ADAMTS2: variants seen among roughly 807,000 people sequenced by gnomAD.
The protein encoded by ADAMTS2 is ADAM metallopeptidase with thrombospondin type 1 motif 2.
ADAMTS2 carries 50 observed loss-of-function variants against 123.0 expected under a neutral mutation model. The ratio of observed to expected loss-of-function variants is 0.41; its 90% CI spans 0.32 to 0.51. ADAMTS2 has a LOEUF of 0.51. ADAMTS2 is among the 20% of genes least tolerant of loss of function. The pLI is 0.35. For synonymous variants in ADAMTS2, 678 were observed against 695.4 expected (o/e 0.98, Z 0.39); for missense variants, 1,494 against 1,705.2 (o/e 0.88, Z 2.18).
At chr5:179,206,544 T>C (rs542107435) in intron 4 of ADAMTS2, among the ~76,000 whole-genome samples, 1 of 152,166 alleles carries the variant, frequency 6.6e-6, no homozygotes, top group Non-Finnish European at 1.5e-5. Flanking sequence ...AAGCCCCGGC[T>C]TCCTCCCACA....
intron 3 of ADAMTS2, among the ~76,000 whole-genome samples, chr5:179,261,306 C>T (rs1766217718): frequency 6.6e-6 from 1 of 152,228 alleles, no homozygotes; most frequent in South Asian, 2.1e-4. Context: ...CGCTTTGCTG[C>T]CGGAGCAGCA....
chr5:179,164,911 A>G (rs574305952), intron 5 of ADAMTS2, among the ~76,000 whole-genome samples: 76 of 152,314 alleles, frequency 5.0e-4, no homozygotes, highest in African/African-American at 1.8e-3. Context: ...TGGGTTCTGC[A>G]TGCCTCTAAG....
At chr5:179,326,820 G>C (rs563259550) in intron 2 of ADAMTS2, among the ~76,000 whole-genome samples, 8 of 152,130 alleles carry the variant, frequency 5.3e-5, no homozygotes, top group South Asian at 2.1e-4. Context: ...TCCAGCGCAC[G>C]GGACCTTGCA....
rs530740941 is a variant in ADAMTS2, at chr5:179,180,480, G to A, written c.975+592C>T. On this transcript the variant is annotated intron_variant, in intron 5 of 21. Transcript: ENST00000251582. This position sits in a 1 kb window ranked among gnomAD's most constrained non-coding sequence, Gnocchi z 4.6. ...TTGCTGACTCTGGAGGGACTGCCCC[G>A]CTAAGTGGTAACCAATCTTTAGAGA... Among the ~76,000 whole-genome samples the A allele has an allele frequency of 6.6e-6, 1 of 152,268 alleles. No individual in the cohort carries two copies. The highest frequency in any genetic ancestry group is 2.1e-4 in the South Asian group (1 of 4,824).
chr5:179,189,482 G>A lies in ADAMTS2; in HGVS notation c.892-8327C>T, dbSNP rs1227875880. Among the ~76,000 whole-genome samples, 1 of 150,216 alleles carries A rather than the reference G, an allele frequency of 6.7e-6. No individual in the cohort carries two copies. Among genetic ancestry groups the A allele is most frequent in the Non-Finnish European group, 1.5e-5 (1 of 67,706 alleles). On this transcript the variant is annotated intron_variant, in intron 4 of 21. Coordinates refer to ENST00000251582, the MANE Select transcript of ADAMTS2 (RefSeq NM_014244.5). This position sits in a 1 kb window ranked among gnomAD's most constrained non-coding sequence, Gnocchi z 4.2. Reference sequence around the variant, plus strand: ...CTTGCCTCAGCCTCCCGAGTAGCTGGGGCTACAGGCGCCCGCCAGTGCGCC... The same window carrying A: ...CTTGCCTCAGCCTCCCGAGTAGCTGAGGCTACAGGCGCCCGCCAGTGCGCC...
chr5:179,238,428 C>T (rs544497152), intron 3 of ADAMTS2, among the ~76,000 whole-genome samples: 23 of 152,228 alleles, frequency 1.5e-4, no homozygotes, highest in East Asian at 7.7e-4. Flanking sequence ...CTGAGTATGC[C>T]GGAGGGCAGT....
intron 3 of ADAMTS2, among the ~76,000 whole-genome samples, chr5:179,223,301 CACTCACAT>C (rs924425971): frequency 1.3e-5 from 2 of 151,818 alleles, no homozygotes; most frequent in African/African-American, 4.8e-5. Context: ...CACACGAACG[CACTCACAT>C]ACACACATGC....
Position 179,260,636 on chromosome 5 carries a change from G to C in ADAMTS2, c.688+12275C>G, listed in dbSNP as rs1047329193. ...CTCCCTCCTGATGCAGGAGTCAAAA[G>C]GCCTGGCTCCCACTGTTTCTACAGC... is the stretch of plus-strand genomic sequence containing the variant. On this transcript the variant is annotated intron_variant, in intron 3 of 21. Transcript: ENST00000251582. This position sits in a 1 kb window ranked among gnomAD's most constrained non-coding sequence, Gnocchi z 4.2. Among the ~76,000 whole-genome samples, 1 of 152,266 alleles carries C rather than the reference G, an allele frequency of 6.6e-6. No homozygotes were observed. Among genetic ancestry groups the C allele is most frequent in the Middle Eastern group, 3.4e-3 (1 of 294 alleles).
intron 5 of ADAMTS2, among the ~76,000 whole-genome samples, chr5:179,169,104 A>C (rs1165352690): frequency 3.9e-5 from 6 of 152,210 alleles, no homozygotes; most frequent in African/African-American, 7.2e-5. Flanking sequence ...CCACATTTGA[A>C]AGGTTGAAAG....
intron 10 of ADAMTS2, among the ~76,000 whole-genome samples, chr5:179,144,693 A>G (rs1452117678): frequency 2.0e-5 from 3 of 152,242 alleles, no homozygotes; most frequent in Non-Finnish European, 4.4e-5. Flanking sequence ...GGATATTCAC[A>G]TGCAAAAGAA....
intron 5 of ADAMTS2, among the ~76,000 whole-genome samples, chr5:179,169,830 A>C (rs996574062): frequency 2.6e-5 from 4 of 152,184 alleles, no homozygotes; most frequent in Admixed American, 2.6e-4. Context: ...TTTCACCTCC[A>C]ATGCTGAAAA....
rs1482927449 is a variant in ADAMTS2 at position 179,121,770 on chromosome 5, G to C, written c.3089-20C>G. ...TGTTTCCTAGAGGGAGGAGAGAGGG[G>C]CTGCGGCCGCAGGGCACCAGGCTGG... On this transcript the variant is annotated intron_variant, in intron 20 of 21. Transcript: ENST00000251582. The C allele has an allele frequency of 3.3e-6, 5 of 1,515,798 alleles. No individual in the cohort carries two copies. Among genetic ancestry groups the C allele is most frequent in the Admixed American group, 1.9e-5 (1 of 51,900 alleles). 93.9% of individuals were successfully genotyped at this position (1,515,798 alleles called of 1,614,324 possible). A position where few individuals can be genotyped will look rare whatever the true frequency, so the allele number is the denominator to read the frequency against.
In ADAMTS2 at chr5:179,266,860, T is replaced by A. The variant is rs1002720511; in HGVS notation, c.688+6051A>T. Among the ~76,000 whole-genome samples, 10 of 152,152 alleles carry A rather than the reference T, an allele frequency of 6.6e-5. No individual in the cohort carries two copies. The East Asian group carries it at 1.2e-3, about 18-fold the overall frequency. On this transcript the variant is annotated intron_variant, in intron 3 of 21. Coordinates refer to ENST00000251582, the MANE Select transcript of ADAMTS2 (RefSeq NM_014244.5). ...CACTGAATGGATGAGTCTCGCCTGC[T>A]CCCCAGTCCTGTGGTCTGACAGAAC...
At chr5:179,252,337 T>C (rs1765948391) in intron 3 of ADAMTS2, among the ~76,000 whole-genome samples, 1 of 152,146 alleles carries the variant, frequency 6.6e-6, no homozygotes, top group Non-Finnish European at 1.5e-5. Context: ...TCTTATTTTG[T>C]ATTATCTTTT....
At chr5:179,321,844 T>C (rs1467986564) in intron 2 of ADAMTS2, among the ~76,000 whole-genome samples, 1 of 152,096 alleles carries the variant, frequency 6.6e-6, no homozygotes, top group African/African-American at 2.4e-5. Flanking sequence ...GTGCTTTTCC[T>C]CAGCCTCTCC....
intron 2 of ADAMTS2, among the ~76,000 whole-genome samples, chr5:179,280,472 C>A (rs1028471592): frequency 6.6e-6 from 1 of 152,186 alleles, no homozygotes; most frequent in Admixed American, 6.5e-5. Flanking sequence ...TTATTCATCA[C>A]CCCAAAAAGA....
Position 179,139,916 on chromosome 5 carries a change from G to A in ADAMTS2, c.1749C>T (p.Phe583=), listed in dbSNP as rs1763133665. ...GTGGGTTGTCACACTGGCGGGTCCT[G>A]AACTTCACGCCCGTGCCACAGGTAC... ...CSRTCGTGVK[F]RTRQCDNPHP... Residue 583 remains phenylalanine, a synonymous_variant, in exon 11 of 22, where the codon TTC becomes TTT. Transcript: ENST00000251582. 1 of 1,611,976 alleles carries A rather than the reference G, an allele frequency of 6.2e-7. No homozygotes were observed. Among genetic ancestry groups the A allele is most frequent in the Non-Finnish European group, 8.5e-7 (1 of 1,179,968 alleles).
chr5:179,160,090 C>T (rs779903665), intron 5 of ADAMTS2, among the ~76,000 whole-genome samples: 3 of 152,162 alleles, frequency 2.0e-5, no homozygotes, highest in African/African-American at 7.2e-5. Flanking sequence ...TTGGAAGCTA[C>T]GTATGCAGGT....
At chr5:179,270,905 A>G (rs796240187) in intron 3 of ADAMTS2, among the ~76,000 whole-genome samples, 11 of 152,304 alleles carry the variant, frequency 7.2e-5, no homozygotes, top group African/African-American at 2.6e-4. Flanking sequence ...ATCCAGACCT[A>G]TAGCCCCAGG....
Sources: gnomAD v4.1 joint callset for allele counts (sites outside exome capture counted in the v4.1 genomes callset) on GRCh38, gnomAD v4.1.1 for gene constraint, Gnocchi (gnomAD v3.1) non-coding constraint, MANE v1.5 for transcripts, NCBI Gene and HGNC (gene_info 2026-07-23, HGNC 2026-07-21) for gene names.